Variants in SGCD observed in about 807,000 individuals in gnomAD.
SGCD encodes delta-sarcoglycan.
A neutral mutation model predicts 36.6 loss-of-function variants in SGCD; 18 were observed. The observed-to-expected ratio is 0.49, with a 90% CI of 0.34 to 0.73. The LOEUF is 0.73. Ranked by LOEUF, SGCD falls within the 30% of genes least tolerant of loss-of-function variation. The probability of loss-of-function intolerance (pLI) is 0.01; values close to 1 mark genes in which losing one functional copy is unlikely to be tolerated. For synonymous variants in SGCD, 133 were observed against 130.6 expected (o/e 1.02, Z -0.12); for missense variants, 387 against 346.7 (o/e 1.12, Z -0.92).
chr5:156,620,519 G>C (rs1762203281), intron 6 of SGCD, among the ~76,000 whole-genome samples: 1 of 152,212 alleles, frequency 6.6e-6, no homozygotes, highest in Admixed American at 6.5e-5. Flanking sequence ...TAGATGGTAA[G>C]TGCTGAAGAC....
the SGCD span, among the ~76,000 whole-genome samples, chr5:155,746,882 T>G: frequency 6.6e-6 from 1 of 152,174 alleles, no homozygotes; most frequent in Non-Finnish European, 1.5e-5. Context: ...GCTGGCCACA[T>G]TCTGACAGGT....
chr5:156,052,722 A>AG (rs1759953600), intron 1 of SGCD, among the ~76,000 whole-genome samples: 1 of 146,030 alleles, frequency 6.8e-6, no homozygotes, highest in Non-Finnish European at 1.5e-5. Flanking sequence ...TAAAAAAAAA[A>AG]GTGCCATTAA....
At chr5:155,830,511 A>G in the SGCD span, among the ~76,000 whole-genome samples, 1 of 152,350 alleles carries the variant, frequency 6.6e-6, no homozygotes, top group Non-Finnish European at 1.5e-5. Flanking sequence ...ATCCATAACA[A>G]CAGCCAATAA....
In SGCD at chr5:156,485,470, C is replaced by A. The variant is rs569581086; in HGVS notation, c.193-23131C>A. On this transcript the variant is annotated intron_variant, in intron 3 of 8. Transcript: ENST00000337851. ...CTGAGATCAGGAGTTCAAGCCCAGC[C>A]TGGCCAACATGGTGAAACCTGTCTC... Among the ~76,000 whole-genome samples the A allele has an allele frequency of 4.6e-5, 7 of 152,178 alleles. No homozygotes were observed. The East Asian group carries it at 1.2e-3, about 25-fold the overall frequency.
At chr5:156,181,903 A>T (rs1185821726) in intron 3 of SGCD, among the ~76,000 whole-genome samples, 4 of 152,196 alleles carry the variant, frequency 2.6e-5, no homozygotes, top group Non-Finnish European at 5.9e-5. Context: ...AATTTGGAGG[A>T]TCTGTGACTG....
chr5:156,504,125 A>C (rs895374450), intron 3 of SGCD, among the ~76,000 whole-genome samples: 3 of 151,656 alleles, frequency 2.0e-5, no homozygotes, highest in Non-Finnish European at 2.9e-5. Context: ...AATCACTTGA[A>C]CCTGGAAGGC....
chr5:155,729,595 G>A, the SGCD span, among the ~76,000 whole-genome samples: 2 of 152,198 alleles, frequency 1.3e-5, no homozygotes, highest in Admixed American at 1.3e-4. Context: ...GCACAATACA[G>A]GGTGTCCAGA....
chr5:156,118,996 A>G (rs1024054723), intron 2 of SGCD, among the ~76,000 whole-genome samples: 4 of 152,146 alleles, frequency 2.6e-5, no homozygotes, highest in Non-Finnish European at 4.4e-5. Context: ...ATCACCTGCT[A>G]GAAAATATAA....
At chr5:155,848,040 CA>C in the SGCD span, among the ~76,000 whole-genome samples, 1 of 152,126 alleles carries the variant, frequency 6.6e-6, no homozygotes, top group Middle Eastern at 3.4e-3. Flanking sequence ...CACTGGAGGT[CA>C]ATTAATTTTA....
At chr5:156,689,364 T>C (rs1754027701) in intron 7 of SGCD, among the ~76,000 whole-genome samples, 1 of 152,126 alleles carries the variant, frequency 6.6e-6, no homozygotes, top group African/African-American at 2.4e-5. Context: ...GCAAGGCACA[T>C]GGAATTCCCG....
chr5:156,195,094 C>A (rs373606538), intron 3 of SGCD, among the ~76,000 whole-genome samples: 3 of 152,256 alleles, frequency 2.0e-5, no homozygotes, highest in South Asian at 4.1e-4. Context: ...ATTTATTTCT[C>A]TAACAATGAT....
At chr5:156,177,202 A>T (rs184225623) in intron 3 of SGCD, among the ~76,000 whole-genome samples, 1 of 151,976 alleles carries the variant, frequency 6.6e-6, no homozygotes, top group Non-Finnish European at 1.5e-5. Flanking sequence ...GGGTTTTACC[A>T]TGTTGGCCAG....
At chr5:156,446,008 A>C (rs572294238) in intron 3 of SGCD, among the ~76,000 whole-genome samples, 1 of 152,236 alleles carries the variant, frequency 6.6e-6, no homozygotes, top group African/African-American at 2.4e-5. Flanking sequence ...GAATTCTTGT[A>C]AGAATATATA....
chr5:155,923,321 G>C (rs1249006938), intron 1 of SGCD, among the ~76,000 whole-genome samples: 2 of 152,224 alleles, frequency 1.3e-5, no homozygotes, highest in Admixed American at 6.5e-5. Flanking sequence ...ACACATTATC[G>C]AAAAGGTTTA....
At chr5:155,796,842 C>CAAAAAAAAAAAAAAA in the SGCD span, among the ~76,000 whole-genome samples, 1 of 131,206 alleles carries the variant, frequency 7.6e-6, no homozygotes, top group Admixed American at 7.5e-5. Context: ...ATCAATGATT[C>CAAAAAAAAAAAAAAA]AAGCTTCCAT....
chr5:156,525,305 G>T (rs1757598419), intron 4 of SGCD, among the ~76,000 whole-genome samples: 2 of 152,046 alleles, frequency 1.3e-5, no homozygotes, highest in Admixed American at 1.3e-4. Context: ...GTTTTGATTT[G>T]CATTTCCCTG....
At chr5:156,725,871 A>G (rs17053847) in intron 7 of SGCD, among the ~76,000 whole-genome samples, 7,843 of 152,318 alleles carry the variant, frequency 0.051, 284 homozygotes, top group African/African-American at 0.095. Flanking sequence ...TCTGCTTTCC[A>G]ATCAACAACT....
chr5:155,868,423 C>T (rs1231440266), upstream of SGCD, among the ~76,000 whole-genome samples: 1 of 131,210 alleles, frequency 7.6e-6, no homozygotes, highest in South Asian at 2.5e-4. Flanking sequence ...CCAGACTGGT[C>T]TAGAACTCCT....
intron 3 of SGCD, among the ~76,000 whole-genome samples, chr5:156,229,283 T>C (rs1381655539): frequency 1.9e-5 from 2 of 103,616 alleles, no homozygotes; most frequent in African/African-American, 4.4e-5. Context: ...CATACATATA[T>C]ATATATATAT....
Sources: gnomAD v4.1 joint callset for allele counts (sites outside exome capture counted in the v4.1 genomes callset) on GRCh38, gnomAD v4.1.1 for gene constraint, MANE v1.5 for transcripts, NCBI Gene and HGNC (gene_info 2026-07-23, HGNC 2026-07-21) for gene names.